The following VPS13A variants were observed in gnomAD, a reference collection of about 807,000 sequenced individuals.
VPS13A encodes intermembrane lipid transfer protein VPS13A.
A neutral mutation model predicts 390.9 loss-of-function variants in VPS13A; 264 were observed. The ratio of observed to expected loss-of-function variants is 0.68; its 90% CI spans 0.61 to 0.75. The LOEUF (loss-of-function observed/expected upper bound fraction) is 0.75, where lower values mean the gene tolerates loss of function less well. Among genes scored for constraint, VPS13A ranks in the 30% least tolerant of loss-of-function variants. The probability of loss-of-function intolerance (pLI) is 0.00; values close to 1 mark genes in which losing one functional copy is unlikely to be tolerated. For synonymous variants in VPS13A, 1,231 were observed against 1,227.1 expected, an observed-to-expected ratio of 1.00 and a Z score of -0.07; for missense variants, 3,409 against 3,733.9, an observed-to-expected ratio of 0.91 and a Z score of 2.27.
At chr9:77,377,490 A>G (rs903469681) in intron 67 of VPS13A, among the ~76,000 whole-genome samples, 3 of 152,170 alleles carry the variant, frequency 2.0e-5, no homozygotes, top group Non-Finnish European at 4.4e-5. Context: ...AAGTGCTGGT[A>G]TGCTGTTTTA....
At chr9:77,209,846 G>T (rs1430192896) in intron 6 of VPS13A, among the ~76,000 whole-genome samples, 1 of 152,096 alleles carries the variant, frequency 6.6e-6, no homozygotes, top group East Asian at 1.9e-4. Flanking sequence ...TGGAGTACTG[G>T]TCTAGCAATT....
chr9:77,335,646 C>T (rs773802090), intron 46 of VPS13A, among the ~76,000 whole-genome samples: 2 of 152,146 alleles, frequency 1.3e-5, no homozygotes, highest in African/African-American at 2.4e-5. Context: ...ATCAAAACAA[C>T]AACAAGATAC....
chr9:77,349,860 T>C (rs1478051451), intron 52 of VPS13A, among the ~76,000 whole-genome samples: 1 of 152,074 alleles, frequency 6.6e-6, no homozygotes, highest in Non-Finnish European at 1.5e-5. Context: ...GCCAGGCTGG[T>C]CTCAAACTGC....
At chr9:77,382,632 GAA>G in intron 68 of VPS13A, 1 of 1,014,610 alleles carries the variant, frequency 9.9e-7, no homozygotes, top group South Asian at 4.6e-5. Flanking sequence ...TACACATGAA[GAA>G]GGAAAAGCAA....
chr9:77,297,061 T>A (rs1182854934), intron 33 of VPS13A, among the ~76,000 whole-genome samples: 1 of 152,146 alleles, frequency 6.6e-6, no homozygotes, highest in Admixed American at 6.6e-5. Context: ...GTTTTATTGA[T>A]CTTAAGCAGT....
intron 1 of VPS13A, among the ~76,000 whole-genome samples, chr9:77,191,482 A>G (rs1824684193): frequency 6.6e-6 from 1 of 151,576 alleles, no homozygotes; most frequent in Non-Finnish European, 1.5e-5. Flanking sequence ...TATTTTTTGT[A>G]AAGACAATGT....
rs1041111335 is a variant in VPS13A at position 77,377,320 on chromosome 9, C to T, written c.9078-4656C>T. On this transcript the variant is annotated intron_variant, in intron 67 of 71. Transcript: ENST00000360280. ...CTGCAAGCTCCGCTTCCCGGGTTCA[C>T]GCCATTCTCCTGCCTCAGCCTCCCA... Among the ~76,000 whole-genome samples the T allele has an allele frequency of 6.9e-5, 10 of 145,608 alleles. No individual in the cohort carries two copies. In the South Asian group the frequency reaches 7.1e-4, roughly 10 times the overall value.
intron 56 of VPS13A, among the ~76,000 whole-genome samples, chr9:77,358,089 G>C (rs1440790443): frequency 6.6e-6 from 1 of 150,942 alleles, no homozygotes; most frequent in Non-Finnish European, 1.5e-5. Context: ...CTGAGTAGCT[G>C]GGATTACAGG....
At chr9:77,362,403 G>T (rs1832194450) in intron 59 of VPS13A, among the ~76,000 whole-genome samples, 1 of 152,110 alleles carries the variant, frequency 6.6e-6, no homozygotes. Flanking sequence ...AAGACTATTT[G>T]TTCTTTGAAT....
intron 59 of VPS13A, among the ~76,000 whole-genome samples, chr9:77,363,907 G>A (rs1385058007): frequency 6.6e-6 from 1 of 152,142 alleles, no homozygotes. Flanking sequence ...GCTGGCGGTG[G>A]GAACAGTTGT....
intron 22 of VPS13A, among the ~76,000 whole-genome samples, chr9:77,257,934 A>G (rs986044621): frequency 6.6e-6 from 1 of 152,194 alleles, no homozygotes; most frequent in African/African-American, 2.4e-5. Context: ...CTTTTAACTT[A>G]TGTAGAAAAT....
chr9:77,379,554 A>G (rs1833317690), intron 67 of VPS13A, among the ~76,000 whole-genome samples: 1 of 151,248 alleles, frequency 6.6e-6, no homozygotes, highest in African/African-American at 2.4e-5. Context: ...TTGTATTTTT[A>G]GTAGAGATGG....
chr9:77,196,604 T>C (rs1814479310), intron 1 of VPS13A, among the ~76,000 whole-genome samples: 1 of 152,198 alleles, frequency 6.6e-6, no homozygotes, highest in African/African-American at 2.4e-5. Context: ...GCCTGGCTTA[T>C]TTCCCTTAGC....
chr9:77,339,309 A>T (rs1830692938), intron 47 of VPS13A: 1 of 570,036 alleles, frequency 1.8e-6, no homozygotes, highest in African/African-American at 1.9e-5. Context: ...CCATTTTACA[A>T]ATACAGTAGC....
At chr9:77,275,018 A>G (rs913051777) in intron 24 of VPS13A, among the ~76,000 whole-genome samples, 13 of 152,128 alleles carry the variant, frequency 8.5e-5, no homozygotes, top group Non-Finnish European at 1.2e-4. Flanking sequence ...GTGTATATAT[A>G]TGTATACAAA....
intron 1 of VPS13A, among the ~76,000 whole-genome samples, chr9:77,189,333 G>T (rs1004646874): frequency 6.6e-6 from 1 of 151,998 alleles, no homozygotes; most frequent in African/African-American, 2.4e-5. Flanking sequence ...CATGTGGCTG[G>T]CCGTTATCTC....
chr9:77,341,532 A>G (rs1830808182), intron 50 of VPS13A, among the ~76,000 whole-genome samples: 1 of 151,712 alleles, frequency 6.6e-6, no homozygotes, highest in African/African-American at 2.4e-5. Flanking sequence ...TGTTTCTTTA[A>G]ATATTGCCTC....
At chr9:77,324,174 A>G (rs916966984) in intron 45 of VPS13A, among the ~76,000 whole-genome samples, 1 of 152,198 alleles carries the variant, frequency 6.6e-6, no homozygotes, top group Non-Finnish European at 1.5e-5. Flanking sequence ...ATTTAACTAG[A>G]CTTACATATT....
chr9:77,238,430 A>AT, intron 19 of VPS13A, 44 bp downstream of exon 19: 1 of 1,362,348 alleles, frequency 7.3e-7, no homozygotes, highest in East Asian at 2.3e-5. Context: ...ACTGTATCCT[A>AT]TATTAAACTT....
Sources: gnomAD v4.1 joint callset for allele counts (sites outside exome capture counted in the v4.1 genomes callset) on GRCh38, gnomAD v4.1.1 for gene constraint, MANE v1.5 for transcripts, NCBI Gene and HGNC (gene_info 2026-07-23, HGNC 2026-07-21) for gene names.